RORA: variants seen among roughly 807,000 people sequenced by gnomAD.
RORA encodes the protein RAR related orphan receptor A.
In RORA, 7 loss-of-function variants were observed where a neutral mutation model predicts 69.5. The observed-to-expected ratio is 0.10, with a 90% CI of 0.06 to 0.19. RORA has a LOEUF of 0.19. RORA is among the 10% of genes least tolerant of loss of function. The pLI, the probability that RORA is intolerant of heterozygous loss-of-function variation, is 1.00. For missense variants in RORA, 457 were observed against 663.0 expected (o/e 0.69, Z 3.41); for synonymous variants, 261 against 240.8 (o/e 1.08, Z -0.78).
intron 1 of RORA, among the ~76,000 whole-genome samples, chr15:61,139,424 AAAAC>A (rs2079276998): frequency 6.6e-6 from 1 of 152,242 alleles, no homozygotes; most frequent in Non-Finnish European, 1.5e-5. Context: ...TTAGAAAACA[AAAAC>A]AAACCAACAA....
At chr15:61,119,389 G>GTATATA (rs10553428) in intron 1 of RORA, among the ~76,000 whole-genome samples, 1 of 147,680 alleles carries the variant, frequency 6.8e-6, no homozygotes, top group Non-Finnish European at 1.5e-5. Context: ...TTTTGTATAT[G>GTATATA]TATATATATA....
At chr15:60,949,277 T>G (rs1440056029) in intron 1 of RORA, among the ~76,000 whole-genome samples, 1 of 152,188 alleles carries the variant, frequency 6.6e-6, no homozygotes, top group African/African-American at 2.4e-5. Flanking sequence ...CTATCCATGA[T>G]GAAAACATCA....
At chr15:60,754,696 T>C (rs988977719) in intron 1 of RORA, among the ~76,000 whole-genome samples, 2 of 152,182 alleles carry the variant, frequency 1.3e-5, no homozygotes, top group Non-Finnish European at 2.9e-5. Flanking sequence ...TCCCATAGAC[T>C]GTCAGAGGTT....
intron 1 of RORA, among the ~76,000 whole-genome samples, chr15:60,775,216 G>C (rs1287297173): frequency 1.3e-5 from 2 of 152,002 alleles, no homozygotes; most frequent in Non-Finnish European, 2.9e-5. Context: ...TGTTATTCTG[G>C]TCCAAGCTGC....
chr15:61,213,819 C>T lies in RORA; in HGVS notation c.166+15234G>A, dbSNP rs1301501987. ...CCATTGACTAACATGGGACCTGACACATAGTAAGTGCACAAGAATATTTGA... is the reference window on the plus strand; with the variant it reads ...CCATTGACTAACATGGGACCTGACATATAGTAAGTGCACAAGAATATTTGA... On this transcript the variant is annotated intron_variant, in intron 1 of 10. Transcript: ENST00000335670. The surrounding 1 kb of genome is among the most constrained non-coding windows in gnomAD (Gnocchi z 4.1). The T allele has an allele frequency of 1.3e-5, 2 of 152,190 alleles. No homozygotes were observed. The highest frequency in any genetic ancestry group is 2.4e-5 in the African/African-American group (1 of 41,438). 9.4% of individuals were successfully genotyped at this position (152,190 alleles called of 1,614,324 possible). A position where few individuals can be genotyped will look rare whatever the true frequency, so the allele number is the denominator to read the frequency against.
chr15:61,016,328 C>T (rs368334254), intron 1 of RORA, among the ~76,000 whole-genome samples: 8 of 152,146 alleles, frequency 5.3e-5, no homozygotes, highest in African/African-American at 9.7e-5. Flanking sequence ...TTATGGTTGC[C>T]GTCATCATTG....
At chr15:60,617,659 C>CAGAGAG (rs10594406) in intron 2 of RORA, among the ~76,000 whole-genome samples, 11,474 of 141,226 alleles carry the variant, frequency 0.081, 381 homozygotes, top group Middle Eastern at 0.12. Context: ...CACATACAGA[C>CAGAGAG]AGAGAGAGAG....
chr15:60,925,646 T>A (rs1483339899), intron 1 of RORA, among the ~76,000 whole-genome samples: 1 of 152,230 alleles, frequency 6.6e-6, no homozygotes, highest in Non-Finnish European at 1.5e-5. Flanking sequence ...ATACAGTGAA[T>A]GATCATCAGA....
At position 61,025,807 on chromosome 15, in the gene RORA, G is replaced by A. The variant is rs113948518; in HGVS notation, c.166+203246C>T. ...TCCTCCTCACTACCTTTTACCAAATGAGCGTTGGCAACATGGGTTGGAGTT... is the reference window on the plus strand; with the variant it reads ...TCCTCCTCACTACCTTTTACCAAATAAGCGTTGGCAACATGGGTTGGAGTT... On this transcript the variant is annotated intron_variant, in intron 1 of 10. Transcript: ENST00000335670. 4.8e-3 allele frequency among the ~76,000 whole-genome samples: 735 copies of A among 152,300 alleles called. 8 individuals carry two copies. Among genetic ancestry groups the A allele is most frequent in the African/African-American group, 0.017 (696 of 41,572 alleles).
chr15:61,176,446 A>G (rs1303618597), intron 1 of RORA: 1 of 152,132 alleles, frequency 6.6e-6, no homozygotes, highest in African/African-American at 2.4e-5. Context: ...CAGCCCTTTA[A>G]GCATGCCAAT....
intron 1 of RORA, among the ~76,000 whole-genome samples, chr15:60,909,997 T>A (rs542162444): frequency 1.3e-5 from 2 of 152,192 alleles, no homozygotes; most frequent in African/African-American, 4.8e-5. Flanking sequence ...GAAAAATCTA[T>A]ATGTGCCCTT....
At chr15:60,812,782 GAA>G (rs2072761510) in intron 1 of RORA, among the ~76,000 whole-genome samples, 1 of 152,216 alleles carries the variant, frequency 6.6e-6, no homozygotes, top group African/African-American at 2.4e-5. Context: ...CAGAAATACA[GAA>G]AGTCAGGTTG....
intron 1 of RORA, among the ~76,000 whole-genome samples, chr15:60,818,358 G>T (rs748051583): frequency 3.0e-4 from 45 of 152,262 alleles, no homozygotes; most frequent in Middle Eastern, 3.4e-3. Flanking sequence ...GGAGAAACCC[G>T]TTAGAATTAT....
At chr15:60,606,085 G>GA (rs1356025778) in intron 2 of RORA, among the ~76,000 whole-genome samples, 2 of 152,250 alleles carry the variant, frequency 1.3e-5, no homozygotes, top group East Asian at 1.9e-4. Flanking sequence ...AGGCTAGCTT[G>GA]AAAAAACAAG....
intron 1 of RORA, among the ~76,000 whole-genome samples, chr15:61,023,805 C>T (rs554557204): frequency 6.6e-6 from 1 of 152,308 alleles, no homozygotes; most frequent in South Asian, 2.1e-4. Context: ...CAACTTCTTC[C>T]TTTTCATCAT....
intron 1 of RORA, among the ~76,000 whole-genome samples, chr15:61,111,225 C>T (rs782925): frequency 0.25 from 37,753 of 152,020 alleles, 4,934 homozygotes; most frequent in South Asian, 0.36. Context: ...GTATAGCTTA[C>T]CCTCAAATCT....
chr15:60,679,527 T>C (rs1669219015), intron 1 of RORA, among the ~76,000 whole-genome samples: 1 of 152,214 alleles, frequency 6.6e-6, no homozygotes, highest in Admixed American at 6.5e-5. Flanking sequence ...GAGACGTTCT[T>C]GAGACTAAGT....
intron 1 of RORA, among the ~76,000 whole-genome samples, chr15:60,795,521 T>C (rs341428): frequency 9.8e-4 from 150 of 152,346 alleles, no homozygotes; most frequent in African/African-American, 3.5e-3. Flanking sequence ...TAAACTGTAT[T>C]TCGCTGAGGC....
chr15:61,090,380 G>A (rs2078687880), intron 1 of RORA, among the ~76,000 whole-genome samples: 1 of 152,174 alleles, frequency 6.6e-6, no homozygotes, highest in Non-Finnish European at 1.5e-5. Flanking sequence ...GAATGAGGCA[G>A]TTGCCAACAC....
Sources: allele counts gnomAD v4.1 joint callset (sites outside exome capture counted in the v4.1 genomes callset), GRCh38; gene constraint gnomAD v4.1.1; non-coding constraint Gnocchi (gnomAD v3.1); transcripts MANE v1.5; gene names NCBI Gene and HGNC (gene_info 2026-07-23, HGNC 2026-07-21).